LTBP1: variants seen among roughly 807,000 people sequenced by gnomAD.
The protein encoded by LTBP1 is latent-transforming growth factor beta-binding protein 1.
In LTBP1, 129 loss-of-function variants were observed where a neutral mutation model predicts 207.6. That is an observed-to-expected ratio of 0.62 (90% CI 0.54 to 0.72). LTBP1 has a LOEUF of 0.72. LTBP1 is among the 30% of genes least tolerant of loss of function. The probability of loss-of-function intolerance (pLI) is 0.00; values close to 1 mark genes in which losing one functional copy is unlikely to be tolerated. For missense variants in LTBP1, 2,281 were observed against 2,217.2 expected (o/e 1.03, Z -0.58); for synonymous variants, 963 against 833.7 (o/e 1.16, Z -2.67).
At chr2:33,115,193 C>T (rs1200908345) in intron 4 of LTBP1, among the ~76,000 whole-genome samples, 5 of 152,034 alleles carry the variant, frequency 3.3e-5, no homozygotes, top group African/African-American at 1.2e-4. Flanking sequence ...ATACATGCTA[C>T]AACATGGATG....
rs533068431 is a variant in LTBP1, at chr2:33,375,551, G to A, written c.4711+10048G>A. Among the ~76,000 whole-genome samples, 8 of 151,988 alleles carry A rather than the reference G, an allele frequency of 5.3e-5. No individual in the cohort carries two copies. In the East Asian group the frequency reaches 1.4e-3, roughly 26 times the overall value. On this transcript the variant is annotated intron_variant, in intron 31 of 33. Transcript: ENST00000404816. ...TTTGTTTGTTTGTTTATTTTGAGACGGAGTCTCGCTCTGTCGCCCAGGCTG... is the reference window on the plus strand; with the variant it reads ...TTTGTTTGTTTGTTTATTTTGAGACAGAGTCTCGCTCTGTCGCCCAGGCTG...
chr2:33,326,931 G>T (rs1391687017), intron 24 of LTBP1, among the ~76,000 whole-genome samples: 1 of 152,128 alleles, frequency 6.6e-6, no homozygotes, highest in Non-Finnish European at 1.5e-5. Context: ...TTACAGACAT[G>T]AGCCATTGCA....
At chr2:33,142,162 A>C (rs999299246) in intron 5 of LTBP1, among the ~76,000 whole-genome samples, 19 of 151,554 alleles carry the variant, frequency 1.3e-4, no homozygotes, top group African/African-American at 4.6e-4. Context: ...CGCCATTCTC[A>C]TGCCTCAGCC....
At chr2:33,371,485 C>T (rs949302361) in intron 31 of LTBP1, among the ~76,000 whole-genome samples, 8 of 152,176 alleles carry the variant, frequency 5.3e-5, no homozygotes, top group Non-Finnish European at 1.2e-4. Context: ...AAAAACGAGC[C>T]ATTGTATCCA....
intron 24 of LTBP1, among the ~76,000 whole-genome samples, chr2:33,339,055 G>A (rs1406797630): frequency 6.6e-6 from 1 of 151,816 alleles, no homozygotes; most frequent in Non-Finnish European, 1.5e-5. Context: ...AGGGAGGGAG[G>A]CAAGACTGGA....
chr2:33,209,441 C>G (rs1356045698), intron 7 of LTBP1, among the ~76,000 whole-genome samples: 1 of 152,094 alleles, frequency 6.6e-6, no homozygotes, highest in Non-Finnish European at 1.5e-5. Flanking sequence ...GTGATGTCCC[C>G]AAAGTGAAAT....
intron 5 of LTBP1, among the ~76,000 whole-genome samples, chr2:33,140,507 G>A (rs2082555804): frequency 1.3e-5 from 2 of 152,102 alleles, no homozygotes. Context: ...GTAAAAGAAA[G>A]TGGTTGCTTT....
Position 33,293,282 on chromosome 2 carries a change from G to A in LTBP1, c.3235G>A (p.Asp1079Asn). Residue 1079 changes from aspartate to asparagine, a missense_variant and splice_region_variant, in exon 20 of 34, where the codon GAT becomes AAT. Transcript: ENST00000404816. ...GACTCCGGACCACAAGCACTGTAGA[G>A]GTAAATACTGTGATCAAGTTTCCCA... The part of the protein sequence containing the change: ...TRTPDHKHCR[D>N]IDECQQGNLC... 2 of 1,592,694 alleles carry A rather than the reference G, an allele frequency of 1.3e-6. No homozygotes were observed. Among genetic ancestry groups the A allele is most frequent in the Non-Finnish European group, 1.7e-6 (2 of 1,174,166 alleles).
In LTBP1 at chr2:33,188,725, G is replaced by A. The variant is rs766063280; in HGVS notation, c.1575G>A (p.Gly525=). The A allele has an allele frequency of 6.2e-7, 1 of 1,614,146 alleles. No homozygotes were observed. The highest frequency in any genetic ancestry group is 1.3e-5 in the African/African-American group (1 of 75,008). Residue 525 remains glycine, a synonymous_variant, in exon 7 of 34, where the codon GGG becomes GGA. Coordinates refer to ENST00000404816, the MANE Select transcript of LTBP1 (RefSeq NM_206943.4). The part of the protein sequence containing the change: ...QPGQSQVSYQ[G]LPVQKTQTIH... ...GCCAATCCCAAGTCTCGTACCAAGG[G>A]CTTCCTGTCCAGAAGACCCAGACCA...
intron 23 of LTBP1, 24 bp from the exon 24 acceptor site, chr2:33,315,120 T>G (rs893935474): frequency 1.0e-5 from 16 of 1,582,974 alleles, no homozygotes; most frequent in Non-Finnish European, 1.3e-5. Flanking sequence ...TTTCAAGTTT[T>G]TAAGACTCTA....
At chr2:33,209,105 T>C (rs1338135601) in intron 7 of LTBP1, among the ~76,000 whole-genome samples, 1 of 152,040 alleles carries the variant, frequency 6.6e-6, no homozygotes, top group Non-Finnish European at 1.5e-5. Flanking sequence ...ACTCCTGACC[T>C]CAAGTGACCC....
intron 10 of LTBP1, among the ~76,000 whole-genome samples, chr2:33,251,788 C>T (rs1473896461): frequency 1.3e-5 from 2 of 151,450 alleles, no homozygotes; most frequent in African/African-American, 4.9e-5. Flanking sequence ...GAATGGGCGG[C>T]GGGGGGACAC....
chr2:33,136,468 A>G (rs1308800006), intron 5 of LTBP1, among the ~76,000 whole-genome samples: 1 of 152,224 alleles, frequency 6.6e-6, no homozygotes, highest in African/African-American at 2.4e-5. Context: ...TTTATCAGCA[A>G]TAAGTAATAC....
chr2:33,212,473 A>G (rs1442607352), intron 7 of LTBP1, among the ~76,000 whole-genome samples: 2 of 152,164 alleles, frequency 1.3e-5, no homozygotes, highest in African/African-American at 2.4e-5. Context: ...GTGTGTAGTA[A>G]CTTGTATTTC....
chr2:33,090,343 C>A (rs1016625473), intron 3 of LTBP1, among the ~76,000 whole-genome samples: 1 of 152,088 alleles, frequency 6.6e-6, no homozygotes, highest in African/African-American at 2.4e-5. Flanking sequence ...ACAGGTGTTG[C>A]CTTTGGTGGA....
At chr2:33,196,188 C>T (rs140805542) in intron 7 of LTBP1, among the ~76,000 whole-genome samples, 3 of 151,968 alleles carry the variant, frequency 2.0e-5, no homozygotes, top group African/African-American at 7.3e-5. Context: ...GAGATATTGC[C>T]CGTAGTTTCA....
chr2:32,970,493 C>T (rs184044363), intron 2 of LTBP1, among the ~76,000 whole-genome samples: 5 of 152,244 alleles, frequency 3.3e-5, no homozygotes, highest in East Asian at 3.9e-4. Context: ...CTAGTTACCT[C>T]GGCACCATTT....
In LTBP1 at chr2:33,074,330, G is replaced by C. The variant is rs145852900; in HGVS notation, c.864-36252G>C. 3.3e-3 allele frequency among the ~76,000 whole-genome samples: 510 copies of C among 152,290 alleles called. 2 individuals carry two copies. Among genetic ancestry groups the C allele is most frequent in the African/African-American group, 0.012 (496 of 41,552 alleles). On this transcript the variant is annotated intron_variant, in intron 3 of 33. Transcript: ENST00000404816. ...TCTTCTCATCAGTCTCCCATCTCTTGTCATGGCCTTTTTCACTTCTTCCTC... is the reference window on the plus strand; with the variant it reads ...TCTTCTCATCAGTCTCCCATCTCTTCTCATGGCCTTTTTCACTTCTTCCTC...
At chr2:33,005,138 C>T (rs1164294680) in intron 2 of LTBP1, among the ~76,000 whole-genome samples, 1 of 152,124 alleles carries the variant, frequency 6.6e-6, no homozygotes, top group Non-Finnish European at 1.5e-5. Context: ...TGAAGTGACT[C>T]TTTGGGAAGA....
Sources: allele counts gnomAD v4.1 joint callset (sites outside exome capture counted in the v4.1 genomes callset), GRCh38; gene constraint gnomAD v4.1.1; transcripts MANE v1.5; gene names NCBI Gene and HGNC (gene_info 2026-07-23, HGNC 2026-07-21).